Variants in SCAPER observed in about 807,000 individuals in gnomAD.
The protein encoded by SCAPER is S-phase cyclin A associated protein in the ER.
In SCAPER, 98 loss-of-function variants were observed where a neutral mutation model predicts 182.2. The observed-to-expected ratio is 0.54, with a 90% CI of 0.46 to 0.64. The LOEUF is 0.64. Ranked by LOEUF, SCAPER falls within the 30% of genes least tolerant of loss-of-function variation. The pLI is 0.00. For synonymous variants in SCAPER, 605 were observed against 564.6 expected, an observed-to-expected ratio of 1.07 and a Z score of -1.01; for missense variants, 1,432 against 1,690.0, an observed-to-expected ratio of 0.85 and a Z score of 2.68.
At chr15:76,583,318 T>C (rs1597501969) in intron 22 of SCAPER, among the ~76,000 whole-genome samples, 1 of 138,286 alleles carries the variant, frequency 7.2e-6, no homozygotes, top group East Asian at 2.2e-4. Flanking sequence ...GCCACTGCAC[T>C]CCAGCCTGAG....
chr15:76,774,924 A>G lies in SCAPER; in HGVS notation c.966T>C (p.Ser322=). ...QKGQFVGDGT[S]NTIESHPKDS... is the part of the protein sequence containing the mutation. ...CTTTGGGATGAGATTCTATAGTATT[A>G]GAAGTTCCATCTCCAACAAATTGAC... is the stretch of plus-strand genomic sequence containing the variant. The change falls in exon 9 of 32, where the codon TCT becomes TCC. Residue 322 remains serine (S), a synonymous_variant. Transcript: ENST00000563290. 6.2e-7 allele frequency: 1 copy of G among 1,613,730 alleles called. No individual in the cohort carries two copies. The highest frequency in any genetic ancestry group is 1.1e-5 in the South Asian group (1 of 91,074).
intron 17 of SCAPER, among the ~76,000 whole-genome samples, chr15:76,708,363 A>G (rs936441736): frequency 6.6e-5 from 10 of 152,184 alleles, no homozygotes; most frequent in African/African-American, 1.9e-4. Flanking sequence ...GAATGGAAAT[A>G]AAAATACAGT....
intron 17 of SCAPER, among the ~76,000 whole-genome samples, chr15:76,727,825 C>T (rs1039841688): frequency 6.6e-6 from 1 of 151,332 alleles, no homozygotes; most frequent in Non-Finnish European, 1.5e-5. Context: ...GACTTAGTAT[C>T]TAGTAAAGAT....
chr15:76,564,579 C>A (rs1018278122), intron 23 of SCAPER, among the ~76,000 whole-genome samples: 1 of 152,074 alleles, frequency 6.6e-6, no homozygotes, highest in East Asian at 1.9e-4. Context: ...GTTAAAATGG[C>A]CACACTGCCC....
intron 21 of SCAPER, among the ~76,000 whole-genome samples, chr15:76,640,821 G>A (rs894529100): frequency 2.0e-5 from 3 of 152,158 alleles, no homozygotes; most frequent in Admixed American, 6.5e-5. Context: ...ACAATGCCAG[G>A]TTGGACTGCC....
chr15:76,566,421 C>G (rs2047040669), intron 23 of SCAPER, among the ~76,000 whole-genome samples: 1 of 152,022 alleles, frequency 6.6e-6, no homozygotes, highest in Non-Finnish European at 1.5e-5. Context: ...TTAAATTTGG[C>G]AGGATTCTAT....
chr15:76,762,719 G>C (rs1167973933), intron 14 of SCAPER, among the ~76,000 whole-genome samples: 1 of 152,168 alleles, frequency 6.6e-6, no homozygotes, highest in Admixed American at 6.5e-5. Flanking sequence ...TGCAATCCTA[G>C]CTCACTGCAG....
At chr15:76,771,274 T>C (rs1254656194) in intron 10 of SCAPER, among the ~76,000 whole-genome samples, 1 of 152,086 alleles carries the variant, frequency 6.6e-6, no homozygotes, top group Non-Finnish European at 1.5e-5. Context: ...CACAAATCAA[T>C]GCATTTTTAG....
At chr15:76,761,683 G>C (rs1450811490) in intron 14 of SCAPER, among the ~76,000 whole-genome samples, 1 of 152,134 alleles carries the variant, frequency 6.6e-6, no homozygotes, top group African/African-American at 2.4e-5. Flanking sequence ...AATTTCTAAA[G>C]ACTTGTGTTG....
At chr15:76,447,843 G>A (rs2048106461) in intron 25 of SCAPER, among the ~76,000 whole-genome samples, 2 of 152,194 alleles carry the variant, frequency 1.3e-5, no homozygotes, top group South Asian at 4.1e-4. Context: ...TCACAGGTAA[G>A]TAAAATGTAA....
chr15:76,514,570 A>T (rs1330569040), intron 23 of SCAPER, among the ~76,000 whole-genome samples: 1 of 152,160 alleles, frequency 6.6e-6, no homozygotes, highest in Admixed American at 6.5e-5. Flanking sequence ...ATCAGGGAGG[A>T]AGGCCTTCAA....
chr15:76,458,246 A>C (rs1225081494), intron 25 of SCAPER, among the ~76,000 whole-genome samples: 15 of 151,962 alleles, frequency 9.9e-5, no homozygotes, highest in African/African-American at 3.4e-4. Flanking sequence ...ACCCACACAT[A>C]CAGACTCCAC....
At chr15:76,622,595 T>C (rs994261225) in intron 21 of SCAPER, among the ~76,000 whole-genome samples, 1 of 152,164 alleles carries the variant, frequency 6.6e-6, no homozygotes, top group African/African-American at 2.4e-5. Context: ...AGCCTAAATA[T>C]TAAGATTTTT....
chr15:76,567,255 A>G, intron 23 of SCAPER: 1 of 428,840 alleles, frequency 2.3e-6, no homozygotes, highest in Non-Finnish European at 4.7e-6. Flanking sequence ...ATAATAGTCC[A>G]TTATATGAAC....
intron 17 of SCAPER, among the ~76,000 whole-genome samples, chr15:76,726,156 A>ATATAT (rs56986282): frequency 0.044 from 3,500 of 79,608 alleles, 372 homozygotes; most frequent in East Asian, 0.085. Context: ...TATATATATA[A>ATATAT]AAAACTCTAT....
chr15:76,512,383 C>T (rs1430279443), intron 23 of SCAPER, among the ~76,000 whole-genome samples: 1 of 151,974 alleles, frequency 6.6e-6, no homozygotes, highest in Non-Finnish European at 1.5e-5. Context: ...CCTTAACAAC[C>T]ATTAAGAAGG....
intron 22 of SCAPER, among the ~76,000 whole-genome samples, chr15:76,589,017 C>G (rs976725359): frequency 1.3e-5 from 2 of 152,056 alleles, no homozygotes; most frequent in East Asian, 1.9e-4. Context: ...TCTTCTGGAT[C>G]TAGCCACACA....
intron 15 of SCAPER, among the ~76,000 whole-genome samples, chr15:76,749,720 C>T (rs2061986167): frequency 6.6e-6 from 1 of 151,830 alleles, no homozygotes; most frequent in East Asian, 1.9e-4. Context: ...GATGCAAAGG[C>T]CAGAATCTAA....
At chr15:76,574,089 T>G in intron 23 of SCAPER, 69 bp downstream of exon 23, 1 of 1,502,348 alleles carries the variant, frequency 6.7e-7, no homozygotes, top group Non-Finnish European at 9.0e-7. Context: ...GCCTTATAGC[T>G]CTATGTACTG....
Sources: allele counts gnomAD v4.1 joint callset (sites outside exome capture counted in the v4.1 genomes callset), GRCh38; gene constraint gnomAD v4.1.1; transcripts MANE v1.5; gene names NCBI Gene and HGNC (gene_info 2026-07-23, HGNC 2026-07-21).